Variants in COMMD1 observed in about 807,000 individuals in gnomAD.
COMMD1 encodes the protein COMM domain-containing protein 1.
COMMD1 carries 10 observed loss-of-function variants against 17.2 expected under a neutral mutation model. The ratio of observed to expected loss-of-function variants is 0.58; its 90% CI spans 0.36 to 0.99. The LOEUF is 0.99. Among genes scored for constraint, COMMD1 ranks in the 50% least tolerant of loss-of-function variants. The pLI, the probability that COMMD1 is intolerant of heterozygous loss-of-function variation, is 0.01. For missense variants in COMMD1, 270 were observed against 231.8 expected (o/e 1.17, Z -1.07); for synonymous variants, 97 against 91.6 (o/e 1.06, Z -0.34).
chr2:61,949,693 T>A lies in COMMD1; in HGVS notation c.180+43835T>A, dbSNP rs115455541. Among the ~76,000 whole-genome samples, 1,076 of 152,358 alleles carry A rather than the reference T, an allele frequency of 7.1e-3. 19 individuals are homozygous for A. The highest frequency in any genetic ancestry group is 0.024 in the African/African-American group (1,007 of 41,582). ...AAAGAATGATGTTTGTGAAAACTTG[T>A]GTCCGTGGCCTCCAACAAAAGTGAG... On this transcript the variant is annotated intron_variant, in intron 1 of 2. Coordinates refer to ENST00000311832, the MANE Select transcript of COMMD1 (RefSeq NM_152516.4).
chr2:62,098,947 G>A (rs867516507), intron 2 of COMMD1, among the ~76,000 whole-genome samples: 8 of 152,130 alleles, frequency 5.3e-5, no homozygotes, highest in African/African-American at 9.7e-5. Context: ...ATCTTCAGTC[G>A]GACTGGGGAA....
intron 2 of COMMD1, among the ~76,000 whole-genome samples, chr2:62,022,435 T>G (rs1481998328): frequency 2.0e-5 from 3 of 151,008 alleles, no homozygotes; most frequent in African/African-American, 4.8e-5. Flanking sequence ...TCTAATATTA[T>G]TTACCGGCGC....
intron 2 of COMMD1, among the ~76,000 whole-genome samples, chr2:62,082,900 C>T (rs909111760): frequency 1.3e-5 from 2 of 152,138 alleles, no homozygotes; most frequent in African/African-American, 4.8e-5. Flanking sequence ...AACAAGTTTC[C>T]TTCCCTTCCT....
intron 2 of COMMD1, among the ~76,000 whole-genome samples, chr2:62,035,452 G>T (rs1670012902): frequency 6.6e-6 from 1 of 152,052 alleles, no homozygotes; most frequent in Non-Finnish European, 1.5e-5. Flanking sequence ...AGGTAGAATG[G>T]TTTTTTGGCC....
At chr2:61,939,736 C>A (rs931268560) in intron 1 of COMMD1, among the ~76,000 whole-genome samples, 26 of 152,122 alleles carry the variant, frequency 1.7e-4, no homozygotes, top group African/African-American at 6.3e-4. Flanking sequence ...CTATAAATAA[C>A]TATAAAAAAA....
At chr2:61,898,327 T>C (rs918007820) in intron 1 of COMMD1, among the ~76,000 whole-genome samples, 1 of 152,078 alleles carries the variant, frequency 6.6e-6, no homozygotes, top group Non-Finnish European at 1.5e-5. Flanking sequence ...AGTTTAAAAA[T>C]CAGCTAGACG....
intron 2 of COMMD1, among the ~76,000 whole-genome samples, chr2:62,046,337 G>C (rs1670382991): frequency 6.6e-6 from 1 of 152,222 alleles, no homozygotes; most frequent in Non-Finnish European, 1.5e-5. Context: ...ACAGGTGTTT[G>C]TATGTGTAAT....
intron 1 of COMMD1, among the ~76,000 whole-genome samples, chr2:61,985,546 C>G (rs184730498): frequency 5.3e-5 from 8 of 152,204 alleles, no homozygotes; most frequent in Admixed American, 5.2e-4. Context: ...GGTCTTCTCT[C>G]CCTTCTTTTC....
chr2:62,033,049 C>T (rs1298070812), intron 2 of COMMD1, among the ~76,000 whole-genome samples: 8 of 152,116 alleles, frequency 5.3e-5, no homozygotes, highest in South Asian at 2.1e-4. Flanking sequence ...GGATTACAGG[C>T]GTGAGCCATG....
intron 1 of COMMD1, among the ~76,000 whole-genome samples, chr2:61,908,185 C>T (rs567074847): frequency 1.3e-5 from 2 of 151,200 alleles, no homozygotes; most frequent in South Asian, 2.1e-4. Flanking sequence ...GGGCTGAAAC[C>T]GTGGGCTCAG....
intron 2 of COMMD1, among the ~76,000 whole-genome samples, chr2:62,054,775 G>A (rs1186905099): frequency 6.6e-6 from 1 of 152,140 alleles, no homozygotes; most frequent in Admixed American, 6.5e-5. Context: ...ACCTTATTTG[G>A]GTGATGGATA....
intron 2 of COMMD1, among the ~76,000 whole-genome samples, chr2:62,110,875 T>G (rs1672437434): frequency 1.3e-5 from 2 of 152,104 alleles, no homozygotes. Flanking sequence ...CCCAGAGAGA[T>G]GAGTAAATCT....
At chr2:62,043,044 T>C (rs1670283692) in intron 2 of COMMD1, among the ~76,000 whole-genome samples, 1 of 152,218 alleles carries the variant, frequency 6.6e-6, no homozygotes, top group Non-Finnish European at 1.5e-5. Context: ...GAGTCTACAG[T>C]CTTTCACCCG....
At chr2:62,029,845 G>A (rs1669865772) in intron 2 of COMMD1, among the ~76,000 whole-genome samples, 1 of 152,220 alleles carries the variant, frequency 6.6e-6, no homozygotes, top group Admixed American at 6.5e-5. Context: ...TGGGAGCCAA[G>A]CCCTTCGGCC....
At chr2:61,977,714 T>C (rs1031395671) in intron 1 of COMMD1, among the ~76,000 whole-genome samples, 2 of 151,306 alleles carry the variant, frequency 1.3e-5, no homozygotes, top group Admixed American at 1.3e-4. Context: ...GGGCCCAGTG[T>C]GGTGGCTCAT....
intron 2 of COMMD1, among the ~76,000 whole-genome samples, chr2:62,084,503 A>T (rs566261696): frequency 6.6e-6 from 1 of 152,262 alleles, no homozygotes; most frequent in South Asian, 2.1e-4. Flanking sequence ...AGAAGCGTTG[A>T]TCTTGCTGTT....
chr2:62,037,110 A>C (rs1670060686), intron 2 of COMMD1, among the ~76,000 whole-genome samples: 1 of 152,226 alleles, frequency 6.6e-6, no homozygotes, highest in Non-Finnish European at 1.5e-5. Flanking sequence ...GAAACTTGGA[A>C]ATAATCCTTT....
At chr2:61,955,423 C>G (rs531612026) in intron 1 of COMMD1, among the ~76,000 whole-genome samples, 9 of 152,008 alleles carry the variant, frequency 5.9e-5, no homozygotes, top group African/African-American at 2.2e-4. Flanking sequence ...CCTAGCTTGT[C>G]TTTGCATTTT....
intron 2 of COMMD1, among the ~76,000 whole-genome samples, chr2:62,078,596 C>T (rs1006804227): frequency 2.1e-5 from 3 of 145,912 alleles, no homozygotes; most frequent in Admixed American, 7.0e-5. Context: ...GGGCCAGGCA[C>T]GGTGGCTCAT....
Sources: gnomAD v4.1 joint callset for allele counts (sites outside exome capture counted in the v4.1 genomes callset) on GRCh38, gnomAD v4.1.1 for gene constraint, MANE v1.5 for transcripts, NCBI Gene and HGNC (gene_info 2026-07-23, HGNC 2026-07-21) for gene names.